Variants in SPIDR observed in about 807,000 individuals in gnomAD.
SPIDR encodes the protein scaffold protein involved in DNA repair.
A neutral mutation model predicts 104.6 loss-of-function variants in SPIDR; 93 were observed. That is an observed-to-expected ratio of 0.89 (90% confidence interval 0.75 to 1.06). The LOEUF is 1.06. Among genes scored for constraint, SPIDR ranks in the 50% least tolerant of loss-of-function variants. SPIDR has a pLI of 0.00. For synonymous variants in SPIDR, 431 were observed against 416.9 expected (o/e 1.03, Z -0.41); for missense variants, 1,154 against 1,111.2 (o/e 1.04, Z -0.55).
At chr8:47,730,819 C>G (rs531150586) in intron 19 of SPIDR, among the ~76,000 whole-genome samples, 1 of 152,332 alleles carries the variant, frequency 6.6e-6, no homozygotes, top group Non-Finnish European at 1.5e-5. Flanking sequence ...CCAGCAGCCC[C>G]GCAAGGCAGA....
chr8:47,306,845 C>T (rs1554581659), intron 5 of SPIDR, among the ~76,000 whole-genome samples: 89 of 152,080 alleles, frequency 5.9e-4, no homozygotes, highest in Non-Finnish European at 1.1e-3. Flanking sequence ...ATATAATGTC[C>T]TTTGTCTCTT....
intron 8 of SPIDR, among the ~76,000 whole-genome samples, chr8:47,505,863 AT>A (rs1224655942): frequency 4.6e-5 from 7 of 151,944 alleles, no homozygotes; most frequent in Admixed American, 4.6e-4. Flanking sequence ...CCTTTTGTGA[AT>A]TTTTTTCCGT....
chr8:47,393,025 C>G (rs1340058733), intron 5 of SPIDR, among the ~76,000 whole-genome samples: 1 of 152,100 alleles, frequency 6.6e-6, no homozygotes, highest in African/African-American at 2.4e-5. Flanking sequence ...ACATAATTTT[C>G]CATAGATAGT....
chr8:47,536,089 A>T (rs75662359), intron 8 of SPIDR, among the ~76,000 whole-genome samples: 7 of 149,582 alleles, frequency 4.7e-5, no homozygotes, highest in Non-Finnish European at 8.9e-5. Context: ...ATAATCTAAA[A>T]ATATATATAT....
chr8:47,374,203 G>C (rs2058381781), intron 5 of SPIDR, among the ~76,000 whole-genome samples: 1 of 152,180 alleles, frequency 6.6e-6, no homozygotes, highest in Non-Finnish European at 1.5e-5. Flanking sequence ...GTTAAAACAG[G>C]ATAATAGTAA....
intron 8 of SPIDR, among the ~76,000 whole-genome samples, chr8:47,457,409 T>G (rs540652235): frequency 1.3e-5 from 2 of 152,310 alleles, no homozygotes; most frequent in South Asian, 4.1e-4. Flanking sequence ...ATATCTTCTT[T>G]TGAGAATTGT....
chr8:47,426,732 A>G (rs1554685287), intron 7 of SPIDR, among the ~76,000 whole-genome samples: 1 of 152,250 alleles, frequency 6.6e-6, no homozygotes, highest in Admixed American at 6.5e-5. Flanking sequence ...AGGGAAAAGA[A>G]GTGTGAGAGA....
intron 1 of SPIDR, among the ~76,000 whole-genome samples, chr8:47,278,180 G>T (rs1229059469): frequency 1.3e-5 from 2 of 150,200 alleles, no homozygotes. Context: ...TGTTTTTGGA[G>T]ATAGGATCTC....
intron 8 of SPIDR, among the ~76,000 whole-genome samples, chr8:47,460,925 T>G (rs1245492563): frequency 1.3e-5 from 2 of 152,204 alleles, no homozygotes; most frequent in African/African-American, 4.8e-5. Context: ...GAAGCTTAGT[T>G]TCACTTGATA....
intron 11 of SPIDR, among the ~76,000 whole-genome samples, chr8:47,695,978 G>T (rs1279984476): frequency 6.6e-6 from 1 of 152,130 alleles, no homozygotes; most frequent in Non-Finnish European, 1.5e-5. Context: ...TTCTTGGTCC[G>T]CAGCTGATTT....
intron 11 of SPIDR, among the ~76,000 whole-genome samples, chr8:47,691,701 G>GCCA (rs1173752793): frequency 6.6e-6 from 1 of 152,228 alleles, no homozygotes; most frequent in African/African-American, 2.4e-5. Context: ...CAGCACAGGT[G>GCCA]CTGTCTCTGT....
rs1316566251 is a variant in SPIDR, at chr8:47,608,799, C to T, written c.1544+9603C>T. On this transcript the variant is annotated intron_variant, in intron 10 of 19. Coordinates refer to ENST00000297423, the MANE Select transcript of SPIDR (RefSeq NM_001080394.4). Reference sequence around the variant, plus strand: ...AGTGCAGTGGCACGATCTCAGCTCACTGCAACCTCGGCCTCCTGGTTCCAG... The same window carrying T: ...AGTGCAGTGGCACGATCTCAGCTCATTGCAACCTCGGCCTCCTGGTTCCAG... 2.6e-5 allele frequency among the ~76,000 whole-genome samples: 4 copies of T among 152,376 alleles called. No homozygotes were observed. The East Asian group carries it at 7.7e-4, about 29-fold the overall frequency.
rs2039824802 is a variant in SPIDR at position 47,291,068 on chromosome 8, G to C, written c.292G>C (p.Asp98His). The change falls in exon 4 of 20, where the codon GAC becomes CAC. Residue 98 changes from aspartate to histidine, a missense_variant. Physicochemically the swap from Asp to His is moderately conservative, Grantham distance 81. Coordinates refer to ENST00000297423, the MANE Select transcript of SPIDR (RefSeq NM_001080394.4). The stretch of plus-strand genomic sequence containing the variant: ...ATCTAAAAGCACCAGTGGGCTTACA[G>C]ACATAACATGGAGCTCCAGTGGAAG... ...TTSKSTSGLTDITWSSSGSDL... is the reference protein window; with the variant it reads ...TTSKSTSGLTHITWSSSGSDL... The C allele has an allele frequency of 6.2e-7, 1 of 1,613,222 alleles. No homozygotes were observed. Among genetic ancestry groups the C allele is most frequent in the East Asian group, 2.2e-5 (1 of 44,852 alleles).
At chr8:47,272,483 C>T (rs1226204482) in intron 1 of SPIDR, among the ~76,000 whole-genome samples, 2 of 152,078 alleles carry the variant, frequency 1.3e-5, no homozygotes, top group Non-Finnish European at 2.9e-5. Context: ...GTTTAGTTGT[C>T]TGTGGATTAT....
chr8:47,455,699 G>T (rs1366931275), intron 8 of SPIDR, among the ~76,000 whole-genome samples: 1 of 152,052 alleles, frequency 6.6e-6, no homozygotes, highest in Non-Finnish European at 1.5e-5. Context: ...AAGAACAGGG[G>T]TGACTATATT....
chr8:47,645,178 A>G (rs2070078286), intron 10 of SPIDR, among the ~76,000 whole-genome samples: 1 of 152,220 alleles, frequency 6.6e-6, no homozygotes, highest in Admixed American at 6.5e-5. Context: ...AGGTACAAGA[A>G]TAGGAACAGG....
In SPIDR at chr8:47,727,857, G is replaced by A. The variant is rs572766030; in HGVS notation, c.2435+564G>A. Among the ~76,000 whole-genome samples the A allele has an allele frequency of 3.6e-3, 544 of 152,032 alleles. 7 individuals are homozygous for A. The highest frequency in any genetic ancestry group is 0.012 in the African/African-American group (514 of 41,490). ...AAAGAGACTGGGCATGGTGGCTCAC[G>A]CCTGTAATCCCAGCACTTTGGGAGG... On this transcript the variant is annotated intron_variant, in intron 17 of 19. Transcript: ENST00000297423.
At chr8:47,422,208 TG>T (rs1554681323) in intron 7 of SPIDR, among the ~76,000 whole-genome samples, 1 of 152,056 alleles carries the variant, frequency 6.6e-6, no homozygotes, top group African/African-American at 2.4e-5. Flanking sequence ...CCCCCAGAGG[TG>T]GAGTCTACAG....
intron 18 of SPIDR, 173 bp downstream of exon 18, chr8:47,729,220 G>T: frequency 6.8e-7 from 1 of 1,476,332 alleles, no homozygotes; most frequent in South Asian, 1.2e-5. Flanking sequence ...CCCTAGGAAA[G>T]GTGGGAGGAT....
Sources: allele counts gnomAD v4.1 joint callset (sites outside exome capture counted in the v4.1 genomes callset), GRCh38; gene constraint gnomAD v4.1.1; transcripts MANE v1.5; gene names NCBI Gene and HGNC (gene_info 2026-07-23, HGNC 2026-07-21).